Variants in TUBD1 observed in about 807,000 individuals in gnomAD.
The protein encoded by TUBD1 is tubulin delta chain.
In TUBD1, 38 loss-of-function variants were observed where a neutral mutation model predicts 51.2. The ratio of observed to expected loss-of-function variants is 0.74; its 90% CI spans 0.57 to 0.97. The LOEUF is 0.97. Ranked by LOEUF, TUBD1 falls within the 50% of genes least tolerant of loss-of-function variation. The probability of loss-of-function intolerance (pLI) is 0.00; values close to 1 mark genes in which losing one functional copy is unlikely to be tolerated. For synonymous variants in TUBD1, 169 were observed against 178.2 expected (o/e 0.95, Z 0.41); for missense variants, 489 against 538.4 (o/e 0.91, Z 0.91).
intron 4 of TUBD1, among the ~76,000 whole-genome samples, chr17:59,879,268 C>CAAA (rs373101335): frequency 6.2e-5 from 8 of 128,390 alleles, no homozygotes; most frequent in African/African-American, 1.1e-4. Flanking sequence ...AACTCTGTCT[C>CAAA]AAAAAAAAAA....
chr17:59,870,424 CAGG>C (rs1568292997), intron 6 of TUBD1, among the ~76,000 whole-genome samples: 1 of 108,556 alleles, frequency 9.2e-6, no homozygotes, highest in African/African-American at 3.1e-5. Context: ...TGTAAAAATA[CAGG>C]AGGATTAACT....
At chr17:59,880,224 A>G (rs560446241) in intron 4 of TUBD1, among the ~76,000 whole-genome samples, 1 of 151,514 alleles carries the variant, frequency 6.6e-6, no homozygotes, top group South Asian at 2.1e-4. Context: ...ATGCCCAGCT[A>G]ATTTTTGTAT....
At chr17:59,886,737 C>T (rs1221426733) in intron 2 of TUBD1, 1 of 149,094 alleles carries the variant, frequency 6.7e-6, no homozygotes, top group Non-Finnish European at 1.5e-5. Context: ...GAGATGAAGA[C>T]ATCAAACTAG....
intron 5 of TUBD1, among the ~76,000 whole-genome samples, chr17:59,877,348 C>A (rs955893273): frequency 5.3e-5 from 8 of 152,208 alleles, no homozygotes; most frequent in Non-Finnish European, 1.2e-4. Context: ...TCCCAATCAC[C>A]AAACACAATG....
chr17:59,882,467 AGTACAGACAGG>A (rs901561430), intron 3 of TUBD1, among the ~76,000 whole-genome samples: 4 of 151,498 alleles, frequency 2.6e-5, no homozygotes, highest in Non-Finnish European at 5.9e-5. Context: ...TTGTATTTTT[AGTACAGACAGG>A]GTTTCACCAT....
At chr17:59,875,364 C>T (rs1322770301) in intron 5 of TUBD1, among the ~76,000 whole-genome samples, 5 of 151,454 alleles carry the variant, frequency 3.3e-5, no homozygotes, top group African/African-American at 1.2e-4. Context: ...TGTGAGCCAC[C>T]GCACCCACCC....
At chr17:59,873,334 T>G (rs564363398) in intron 6 of TUBD1, among the ~76,000 whole-genome samples, 45 of 151,726 alleles carry the variant, frequency 3.0e-4, no homozygotes, top group Non-Finnish European at 5.9e-4. Context: ...ACTGCAGCCT[T>G]GACCTCCTGG....
At chr17:59,889,533 G>C (rs954285927) in intron 2 of TUBD1, among the ~76,000 whole-genome samples, 1 of 150,842 alleles carries the variant, frequency 6.6e-6, no homozygotes, top group African/African-American at 2.4e-5. Context: ...GTTGGGCGTG[G>C]TGGCGCATGC....
intron 4 of TUBD1, among the ~76,000 whole-genome samples, chr17:59,879,569 G>T (rs1442463669): frequency 2.0e-5 from 3 of 151,990 alleles, no homozygotes; most frequent in Admixed American, 2.0e-4. Context: ...CCGAGTAGCT[G>T]GGACAACAGG....
chr17:59,885,519 C>T, intron 3 of TUBD1: 1 of 1,575,638 alleles, frequency 6.3e-7, no homozygotes, highest in South Asian at 1.1e-5. Context: ...GTGATCCCTC[C>T]AAAGAACCTG....
intron 3 of TUBD1, among the ~76,000 whole-genome samples, chr17:59,884,083 A>G (rs2040605531): frequency 6.6e-6 from 1 of 151,782 alleles, no homozygotes; most frequent in Non-Finnish European, 1.5e-5. Flanking sequence ...CAACATAGGG[A>G]AATCCAGTAT....
chr17:59,886,321 CCA>C, intron 2 of TUBD1, 91 bp from the exon 3 acceptor site: 3 of 1,143,270 alleles, frequency 2.6e-6, no homozygotes, highest in South Asian at 2.4e-5. Context: ...GTGTCCAAAT[CCA>C]AAAAAAAAAA....
chr17:59,866,568 G>A (rs754481634), intron 7 of TUBD1, 41 bp downstream of exon 7: 2 of 1,609,558 alleles, frequency 1.2e-6, no homozygotes, highest in Non-Finnish European at 1.7e-6. Context: ...AGCATGTACA[G>A]GTACAAAATG....
chr17:59,885,224 G>T, intron 3 of TUBD1: 1 of 480,924 alleles, frequency 2.1e-6, no homozygotes, highest in South Asian at 1.8e-5. Context: ...ATGATGACAT[G>T]GGGTATGGCG....
chr17:59,868,659 A>G (rs2039831108), intron 6 of TUBD1, among the ~76,000 whole-genome samples: 1 of 152,132 alleles, frequency 6.6e-6, no homozygotes, highest in South Asian at 2.1e-4. Flanking sequence ...CAACATGGTG[A>G]AACCCCATCT....
At chr17:59,871,632 A>C (rs1169833228) in intron 6 of TUBD1, among the ~76,000 whole-genome samples, 1 of 152,156 alleles carries the variant, frequency 6.6e-6, no homozygotes, top group Non-Finnish European at 1.5e-5. Flanking sequence ...TACAGATATA[A>C]ATCAGGATGA....
chr17:59,868,751 C>T (rs1037965052), intron 6 of TUBD1, among the ~76,000 whole-genome samples: 6 of 151,880 alleles, frequency 4.0e-5, no homozygotes, highest in Non-Finnish European at 8.8e-5. Context: ...GCAGGGGAAT[C>T]GCTTGAACCC....
At position 59,866,734 on chromosome 17, in the gene TUBD1, A is replaced by G. The variant is rs746060739; in HGVS notation, c.950T>C (p.Val317Ala). Residue 317 changes from valine (V) to alanine (A), a missense_variant, in exon 7 of 9, where the codon GTA (valine) becomes GCA (alanine). Val to Ala is a moderately conservative substitution (Grantham distance 64, BLOSUM62 0). Coordinates refer to ENST00000325752, the MANE Select transcript of TUBD1 (RefSeq NM_016261.4). ...AGGAAGTCCTGATAAAGGAGGCCAT[A>G]CATGCCTATCAATACCTACCAAAAG... ...AKMEEGIDRH[V>A]WPPLSGLPPL... The G allele has an allele frequency of 6.2e-7, 1 of 1,612,868 alleles. No individual in the cohort carries two copies. The highest frequency in any genetic ancestry group is 1.1e-5 in the South Asian group (1 of 90,766).
rs76982991 is a variant in TUBD1 at position 59,883,862 on chromosome 17, G to C, written c.320+2221C>G. On this transcript the variant is annotated intron_variant, in intron 3 of 8. Coordinates refer to ENST00000325752, the MANE Select transcript of TUBD1 (RefSeq NM_016261.4). ...GTAGTGGCCATTCCTTTACCTGGTA[G>C]GTACCAGGTAGTTCTACAAGTTTTG... Among the ~76,000 whole-genome samples, 1,131 of 152,236 alleles carry C rather than the reference G, an allele frequency of 7.4e-3. 16 individuals carry two copies. Among genetic ancestry groups the C allele is most frequent in the African/African-American group, 0.026 (1,083 of 41,558 alleles).
Sources: allele counts gnomAD v4.1 joint callset (sites outside exome capture counted in the v4.1 genomes callset), GRCh38; gene constraint gnomAD v4.1.1; transcripts MANE v1.5; gene names NCBI Gene and HGNC (gene_info 2026-07-23, HGNC 2026-07-21).